The following NCOA2 variants were observed in gnomAD, a reference collection of about 807,000 sequenced individuals.
NCOA2 encodes the protein nuclear receptor coactivator 2, also known as class E basic helix-loop-helix protein 75.
In NCOA2, 21 loss-of-function variants were observed where a neutral mutation model predicts 145.1. That is an observed-to-expected ratio of 0.14 (90% CI 0.10 to 0.21). The LOEUF (loss-of-function observed/expected upper bound fraction) is 0.21. Among genes scored for constraint, NCOA2 ranks in the 10% least tolerant of loss-of-function variants. The pLI is 1.00. For missense variants in NCOA2, 1,472 were observed against 1,837.6 expected, an observed-to-expected ratio of 0.80 and a Z score of 3.64; for synonymous variants, 619 against 637.5, an observed-to-expected ratio of 0.97 and a Z score of 0.44.
chr8:70,292,549 GAAA>G (rs199760603), intron 2 of NCOA2, among the ~76,000 whole-genome samples: 1 of 101,392 alleles, frequency 9.9e-6, no homozygotes, highest in East Asian at 2.4e-4. Flanking sequence ...TCCATCTCAG[GAAA>G]AAAAAAAAAA....
chr8:70,325,995 T>C (rs1806522624), intron 1 of NCOA2, among the ~76,000 whole-genome samples: 1 of 152,162 alleles, frequency 6.6e-6, no homozygotes, highest in South Asian at 2.1e-4. Context: ...ACTAGGAAAC[T>C]AGCCTGCACT....
chr8:70,265,842 G>GT lies in NCOA2; in HGVS notation c.-20+30901dup, dbSNP rs572022072. The stretch of plus-strand genomic sequence containing the variant: ...TGTTGTTGTTGTTGTTGTTTTGTTT[G>GT]TTTTTTTAAAGAGACAGAGTCGGCT... On this transcript the variant is annotated intron_variant, in intron 2 of 22. Coordinates refer to ENST00000452400, the MANE Select transcript of NCOA2 (RefSeq NM_006540.4). Among the ~76,000 whole-genome samples, 62 of 151,484 alleles carry GT rather than the reference G, an allele frequency of 4.1e-4. 1 individual carries two copies. The South Asian group carries it at 0.012, about 29-fold the overall frequency.
At chr8:70,402,597 C>G (rs1225176030) in intron 1 of NCOA2, 1 of 151,706 alleles carries the variant, frequency 6.6e-6, no homozygotes, top group East Asian at 1.9e-4. Flanking sequence ...CCCCAGCACC[C>G]CCCAGGGGCC....
At chr8:70,384,319 C>T (rs1812477901) in intron 1 of NCOA2, among the ~76,000 whole-genome samples, 1 of 151,326 alleles carries the variant, frequency 6.6e-6, no homozygotes, top group South Asian at 2.1e-4. Flanking sequence ...AACCATTCTT[C>T]GCAAGAGCTT....
At chr8:70,403,841 C>T (rs764023076), upstream of NCOA2, 25 of 370,782 alleles carry the variant, frequency 6.7e-5, no homozygotes, top group Non-Finnish European at 1.1e-4. Flanking sequence ...AGATCCTCCC[C>T]CAACTCCCTC....
chr8:70,178,882 G>A (rs935108308), intron 4 of NCOA2, among the ~76,000 whole-genome samples: 4 of 152,106 alleles, frequency 2.6e-5, no homozygotes, highest in Non-Finnish European at 5.9e-5. Flanking sequence ...GAACACTGGC[G>A]AAACATTGAT....
intron 1 of NCOA2, among the ~76,000 whole-genome samples, chr8:70,398,885 T>G (rs1372329252): frequency 6.6e-6 from 1 of 152,154 alleles, no homozygotes; most frequent in Non-Finnish European, 1.5e-5. Context: ...TTTCATAGAG[T>G]AAACACATAA....
At chr8:70,154,190 G>A (rs989751888) in intron 11 of NCOA2, among the ~76,000 whole-genome samples, 7 of 152,072 alleles carry the variant, frequency 4.6e-5, no homozygotes, top group African/African-American at 9.7e-5. Flanking sequence ...ATATCCTCTC[G>A]CAAAACAAAT....
At chr8:70,192,286 C>T (rs1298626509) in intron 4 of NCOA2, among the ~76,000 whole-genome samples, 1 of 152,026 alleles carries the variant, frequency 6.6e-6, no homozygotes, top group Non-Finnish European at 1.5e-5. Context: ...GACAACTGTA[C>T]ATAAAAACCT....
At chr8:70,400,944 TG>T (rs1298862882) in intron 1 of NCOA2, among the ~76,000 whole-genome samples, 1 of 152,218 alleles carries the variant, frequency 6.6e-6, no homozygotes, top group South Asian at 2.1e-4. Context: ...ATTAAATTCA[TG>T]GGATACTTAT....
chr8:70,399,794 T>C (rs191232107), intron 1 of NCOA2, among the ~76,000 whole-genome samples: 1 of 152,376 alleles, frequency 6.6e-6, no homozygotes, highest in Admixed American at 6.5e-5. Context: ...TATTTTCCTT[T>C]ACTATCCAAT....
rs1378310225 is a variant in NCOA2 at position 70,151,397 on chromosome 8, C to T, written c.2395-2914G>A. On this transcript the variant is annotated intron_variant, in intron 11 of 22. Coordinates refer to ENST00000452400, the MANE Select transcript of NCOA2 (RefSeq NM_006540.4). The stretch of plus-strand genomic sequence containing the variant: ...CCGCCTCCCAGGTTCAAGCAATTCT[C>T]CTGCCTCAGCCTCCCCAACAGCTGG... Among the ~76,000 whole-genome samples the T allele has an allele frequency of 2.0e-5, 3 of 152,008 alleles. 1 individual carries two copies. The highest frequency in any genetic ancestry group is 6.6e-5 in the Admixed American group (1 of 15,258).
At chr8:70,440,242 A>C in the NCOA2 span, among the ~76,000 whole-genome samples, 1 of 151,956 alleles carries the variant, frequency 6.6e-6, no homozygotes, top group Admixed American at 6.6e-5. Flanking sequence ...GCACCACTGC[A>C]CTCCAGCCTG....
chr8:70,249,410 T>C (rs899293191), intron 2 of NCOA2, among the ~76,000 whole-genome samples: 6 of 152,216 alleles, frequency 3.9e-5, no homozygotes, highest in Admixed American at 2.0e-4. Flanking sequence ...AGTTAGACTT[T>C]TGCCCGAATA....
At chr8:70,383,261 GA>G (rs1484194138) in intron 1 of NCOA2, among the ~76,000 whole-genome samples, 2 of 152,112 alleles carry the variant, frequency 1.3e-5, no homozygotes, top group Non-Finnish European at 2.9e-5. Flanking sequence ...GATCTAAGAG[GA>G]AAACACCTCA....
chr8:70,369,441 A>G (rs1163441604), intron 1 of NCOA2, among the ~76,000 whole-genome samples: 1 of 152,204 alleles, frequency 6.6e-6, no homozygotes, highest in Non-Finnish European at 1.5e-5. Flanking sequence ...TTATAATGAA[A>G]TTACTCCCAT....
intron 2 of NCOA2, among the ~76,000 whole-genome samples, chr8:70,256,916 G>GA (rs1357608620): frequency 6.6e-6 from 1 of 152,124 alleles, no homozygotes; most frequent in Non-Finnish European, 1.5e-5. Context: ...TTTTAGAGAT[G>GA]AAAAAACAGT....
intron 2 of NCOA2, among the ~76,000 whole-genome samples, chr8:70,261,573 C>G (rs978674002): frequency 9.2e-5 from 14 of 151,844 alleles, no homozygotes; most frequent in Non-Finnish European, 1.0e-4. Context: ...CACATGTACC[C>G]TAAAACTTAA....
At chr8:70,269,921 CACATACTACTT>C (rs1824909163) in intron 2 of NCOA2, among the ~76,000 whole-genome samples, 2 of 152,152 alleles carry the variant, frequency 1.3e-5, no homozygotes, top group Admixed American at 1.3e-4. Context: ...CCAGATTCAA[CACATACTACTT>C]TAATTGACTA....
Sources: gnomAD v4.1 joint callset for allele counts (sites outside exome capture counted in the v4.1 genomes callset) on GRCh38, gnomAD v4.1.1 for gene constraint, MANE v1.5 for transcripts, NCBI Gene and HGNC (gene_info 2026-07-23, HGNC 2026-07-21) for gene names.